Variants in MGST1 observed in about 807,000 individuals in gnomAD.
MGST1 encodes the protein glutathione S-transferase 12.
In MGST1, 5 loss-of-function variants were observed where a neutral mutation model predicts 8.9. That is an observed-to-expected ratio of 0.56 (90% CI 0.29 to 1.19). The LOEUF (loss-of-function observed/expected upper bound fraction) is 1.19. Among genes scored for constraint, MGST1 ranks in the 50% most tolerant of loss-of-function variants. MGST1 has a pLI of 0.08. For missense variants in MGST1, 182 were observed against 187.4 expected (o/e 0.97, Z 0.17); for synonymous variants, 54 against 67.8 (o/e 0.80, Z 1.00).
intron 4 of MGST1, among the ~76,000 whole-genome samples, chr12:16,449,226 A>T (rs2137111086): frequency 6.6e-6 from 1 of 152,074 alleles, no homozygotes; most frequent in East Asian, 1.9e-4. Flanking sequence ...CAGGGGACTT[A>T]CAATCATGGC....
At chr12:16,400,053 C>G (rs954768952) in intron 1 of MGST1, 1 of 1,579,960 alleles carries the variant, frequency 6.3e-7, no homozygotes, top group African/African-American at 1.3e-5. Context: ...CCAGTTCCTC[C>G]TTAGTTAGAG....
chr12:16,444,379 G>A (rs1188440854), intron 4 of MGST1, among the ~76,000 whole-genome samples: 2 of 151,668 alleles, frequency 1.3e-5, no homozygotes, highest in Admixed American at 1.3e-4. Flanking sequence ...AGCTGCCCAA[G>A]CCATTTGCCA....
chr12:16,388,815 A>C (rs1399556339), intron 1 of MGST1, among the ~76,000 whole-genome samples: 1 of 152,212 alleles, frequency 6.6e-6, no homozygotes, highest in Non-Finnish European at 1.5e-5. Context: ...GGCTTAAGGC[A>C]GCTTTAGGAG....
chr12:16,445,841 C>T (rs183085568), intron 4 of MGST1, among the ~76,000 whole-genome samples: 3 of 151,968 alleles, frequency 2.0e-5, no homozygotes, highest in South Asian at 2.1e-4. Flanking sequence ...TCTTTAAGGA[C>T]GACACTAATA....
intron 4 of MGST1, among the ~76,000 whole-genome samples, chr12:16,545,323 G>T (rs116271393): frequency 1.3e-5 from 2 of 152,010 alleles, no homozygotes; most frequent in African/African-American, 4.8e-5. Flanking sequence ...ATAAGTAGCA[G>T]CAAACATTAT....
intron 4 of MGST1, among the ~76,000 whole-genome samples, chr12:16,520,283 T>G (rs1275358971): frequency 7.9e-5 from 12 of 152,180 alleles, no homozygotes; most frequent in Admixed American, 7.9e-4. Flanking sequence ...GTTACAAAGA[T>G]ACTGGTTTAT....
downstream of MGST1, among the ~76,000 whole-genome samples, chr12:16,591,263 T>A (rs1943487821): frequency 6.6e-6 from 1 of 151,982 alleles, no homozygotes; most frequent in South Asian, 2.1e-4. This position sits in a 1 kb window ranked among gnomAD's most constrained non-coding sequence, Gnocchi z 4.1. Context: ...CCTCAGGGCC[T>A]TTGTACTGGA....
In MGST1 at chr12:16,482,272, T is replaced by C. The variant is rs1452907151; in HGVS notation, n.482+98668T>C. ...TTATGAGTAAAGATACTCAGAAATA[T>C]GTGAATACATTTAAAATAGATTTTT... On this transcript the variant is annotated intron_variant and non_coding_transcript_variant, in intron 4 of 4. Transcript: ENST00000538857. This position sits in a 1 kb window ranked among gnomAD's most constrained non-coding sequence, Gnocchi z 4.2. 6.6e-6 allele frequency among the ~76,000 whole-genome samples: 1 copy of C among 152,146 alleles called. No homozygotes were observed. Among genetic ancestry groups the C allele is most frequent in the East Asian group, 1.9e-4 (1 of 5,190 alleles).
intron 4 of MGST1, among the ~76,000 whole-genome samples, chr12:16,508,443 G>T (rs940159546): frequency 6.6e-6 from 1 of 152,104 alleles, no homozygotes; most frequent in Admixed American, 6.5e-5. Context: ...GAACTCACGG[G>T]GGAAGTCTTA....
intron 1 of MGST1, among the ~76,000 whole-genome samples, chr12:16,423,415 G>T (rs1415128809): frequency 9.9e-5 from 15 of 151,802 alleles, no homozygotes; most frequent in Admixed American, 9.8e-4. Context: ...ATATTTTGTT[G>T]TCCCTAACCT....
At chr12:16,514,376 TC>T in intron 4 of MGST1, 1 of 281,394 alleles carries the variant, frequency 3.6e-6, no homozygotes, top group Non-Finnish European at 7.1e-6. Context: ...TTCTGAATGC[TC>T]CAGATTTGTG....
rs246851 is a variant in MGST1, at chr12:16,444,527, C to G, written n.482+60923C>G. ...CTCAACAGTATCTTTCAAAGTAACTCCTACATGTGACTTCAATACAGACAC... is the reference window on the plus strand; with the variant it reads ...CTCAACAGTATCTTTCAAAGTAACTGCTACATGTGACTTCAATACAGACAC... On this transcript the variant is annotated intron_variant and non_coding_transcript_variant, in intron 4 of 4. Transcript: ENST00000538857. Among the ~76,000 whole-genome samples, 1,062 of 152,000 alleles carry G rather than the reference C, an allele frequency of 7.0e-3. 14 individuals carry two copies. The highest frequency in any genetic ancestry group is 0.024 in the African/African-American group (988 of 41,524).
At chr12:16,415,306 A>C (rs1424975689) in intron 1 of MGST1, among the ~76,000 whole-genome samples, 1 of 152,370 alleles carries the variant, frequency 6.6e-6, no homozygotes, top group Non-Finnish European at 1.5e-5. Context: ...GGAGGGGTAC[A>C]TTGTGAATTA....
chr12:16,580,796 ATTG>A (rs1943136507), intron 4 of MGST1, among the ~76,000 whole-genome samples: 2 of 152,148 alleles, frequency 1.3e-5, no homozygotes, highest in African/African-American at 4.8e-5. Context: ...GCTAATCTCT[ATTG>A]TTAAATTTTT....
chr12:16,374,879 A>G (rs1420756796), intron 3 of MGST1, among the ~76,000 whole-genome samples: 1 of 152,010 alleles, frequency 6.6e-6, no homozygotes, highest in Non-Finnish European at 1.5e-5. Context: ...GTTTTATTTA[A>G]TTTAGTATTG....
At chr12:16,416,560 A>C (rs567761612) in intron 1 of MGST1, among the ~76,000 whole-genome samples, 1 of 152,204 alleles carries the variant, frequency 6.6e-6, no homozygotes, top group African/African-American at 2.4e-5. Flanking sequence ...AGGGGGAGGA[A>C]GTAAGCTCTC....
chr12:16,545,748 A>G (rs1941820328), intron 4 of MGST1, among the ~76,000 whole-genome samples: 1 of 152,118 alleles, frequency 6.6e-6, no homozygotes, highest in African/African-American at 2.4e-5. Flanking sequence ...GTTGAAAGAA[A>G]GAGCTCCCAA....
chr12:16,522,853 C>T (rs117042961), intron 4 of MGST1, among the ~76,000 whole-genome samples: 1,999 of 152,134 alleles, frequency 0.013, 17 homozygotes, highest in Non-Finnish European at 0.023. Context: ...GGTAACCTTT[C>T]TTTCTGTTTC....
intron 1 of MGST1, chr12:16,399,210 A>G: frequency 1.0e-5 from 14 of 1,386,384 alleles, no homozygotes; most frequent in Admixed American, 2.0e-5. Flanking sequence ...TACAGTTTCT[A>G]TGTCATGTAA....
Sources: gnomAD v4.1 joint callset for allele counts (sites outside exome capture counted in the v4.1 genomes callset) on GRCh38, gnomAD v4.1.1 for gene constraint, Gnocchi (gnomAD v3.1) non-coding constraint, MANE v1.5 for transcripts, NCBI Gene and HGNC (gene_info 2026-07-23, HGNC 2026-07-21) for gene names.